ECT2L: variants seen among roughly 807,000 people sequenced by gnomAD.
ECT2L encodes epithelial cell-transforming sequence 2 oncogene-like.
ECT2L carries 126 observed loss-of-function variants against 122.8 expected under a neutral mutation model. The ratio of observed to expected loss-of-function variants is 1.03; its 90% confidence interval spans 0.89 to 1.19. The LOEUF (loss-of-function observed/expected upper bound fraction) is 1.19. ECT2L is among the 50% of genes most tolerant of loss of function. ECT2L has a pLI of 0.00. For synonymous variants in ECT2L, 385 were observed against 381.8 expected, an observed-to-expected ratio of 1.01 and a Z score of -0.10; for missense variants, 1,012 against 1,064.1, an observed-to-expected ratio of 0.95 and a Z score of 0.68.
At chr6:138,893,165 TTTTTTTTTG>T (rs1488555365) in intron 20 of ECT2L, among the ~76,000 whole-genome samples, 1 of 142,878 alleles carries the variant, frequency 7.0e-6, no homozygotes, top group East Asian at 2.1e-4. Context: ...TGCTTCTCAG[TTTTTTTTTG>T]TTTTTTTTTT....
rs139277007 is a variant in ECT2L, at chr6:138,863,863, C to T, written c.1292-1133C>T. Among the ~76,000 whole-genome samples the T allele has an allele frequency of 6.4e-3, 969 of 151,536 alleles. 7 individuals carry two copies. The highest frequency in any genetic ancestry group is 0.014 in the Middle Eastern group (4 of 292). On this transcript the variant is annotated intron_variant, in intron 11 of 21. Coordinates refer to ENST00000541398, the MANE Select transcript of ECT2L (RefSeq NM_001077706.3). ...TCTCCTGACCTTGTGATCCGCCCGC[C>T]TCAGCCTCCCAGTGTTGGGATTACA...
At chr6:138,895,792 T>A (rs1366049559) in intron 20 of ECT2L, among the ~76,000 whole-genome samples, 2 of 152,084 alleles carry the variant, frequency 1.3e-5, no homozygotes, top group African/African-American at 2.4e-5. Flanking sequence ...AGGCTCATCT[T>A]GAACTCCTGG....
In ECT2L at chr6:138,867,177, T is replaced by C. The variant is rs181193818; in HGVS notation, c.1475-926T>C. 2.0e-5 allele frequency among the ~76,000 whole-genome samples: 3 copies of C among 152,274 alleles called. No individual in the cohort carries two copies. In the East Asian group the frequency reaches 5.8e-4, roughly 29 times the overall value. ...CCTGGTAGGATCGAGAGTCTTACAT[T>C]TAAATTTATTGAGCTCCTTTTCACA... On this transcript the variant is annotated intron_variant, in intron 12 of 21. Coordinates refer to ENST00000541398, the MANE Select transcript of ECT2L (RefSeq NM_001077706.3).
At chr6:138,880,853 C>T in intron 14 of ECT2L, 104 bp from the exon 15 acceptor site, 1 of 962,098 alleles carries the variant, frequency 1.0e-6, no homozygotes. Context: ...TCCCCTTCAA[C>T]CTGAACAGCA....
chr6:138,846,531 C>T lies in ECT2L; in HGVS notation c.765-8C>T, dbSNP rs1019246089. On this transcript the variant is annotated splice_polypyrimidine_tract_variant and splice_region_variant and intron_variant, in intron 7 of 21. Transcript: ENST00000541398. ...TGAAAACTTCTCATATTTCCTTTTA[C>T]TCCATAGAAGCAATATTTCTGGAAG... is the stretch of plus-strand genomic sequence containing the variant. 4 of 1,571,552 alleles carry T rather than the reference C, an allele frequency of 2.5e-6. No homozygotes were observed. The highest frequency in any genetic ancestry group is 3.4e-6 in the Non-Finnish European group (4 of 1,163,922).
chr6:138,888,835 CTG>C (rs1273002605), intron 19 of ECT2L, 106 bp from the exon 20 acceptor site: 5 of 392,302 alleles, frequency 1.3e-5, no homozygotes, highest in African/African-American at 2.1e-5. Context: ...CATACTTGAA[CTG>C]TGTTTTAGTT....
chr6:138,801,719 C>T (rs1278386111), intron 1 of ECT2L, among the ~76,000 whole-genome samples: 1 of 152,054 alleles, frequency 6.6e-6, no homozygotes, highest in African/African-American at 2.4e-5. Context: ...CATGCCACTG[C>T]ACTCCAGTCT....
rs183542236 is a variant in ECT2L, at chr6:138,841,907, C to T, written c.343-1072C>T. Among the ~76,000 whole-genome samples, 150 of 152,248 alleles carry T rather than the reference C, an allele frequency of 9.9e-4. 1 individual carries two copies. The highest frequency in any genetic ancestry group is 2.4e-3 in the Admixed American group (37 of 15,294). On this transcript the variant is annotated intron_variant, in intron 5 of 21. Transcript: ENST00000541398. ...ATGGCTGAATATTGGCAATATCGTA[C>T]GCTTCAGTCAAAATTATTCTCAATG...
At chr6:138,844,373 T>A (rs1211549469) in intron 6 of ECT2L, 39 bp from the exon 7 acceptor site, 1 of 1,601,686 alleles carries the variant, frequency 6.2e-7, no homozygotes, top group Admixed American at 1.7e-5. Context: ...GGGAGAAGTA[T>A]GAAGTAATCA....
intron 10 of ECT2L, 26 bp from the exon 11 acceptor site, chr6:138,862,601 T>C (rs1240864584): frequency 6.2e-7 from 1 of 1,602,554 alleles, no homozygotes; most frequent in Non-Finnish European, 8.6e-7. Context: ...ATGAGGAAAC[T>C]AACGAAAGTG....
chr6:138,799,117 G>T (rs11753707), intron 1 of ECT2L, among the ~76,000 whole-genome samples: 7,006 of 152,242 alleles, frequency 0.046, 204 homozygotes, highest in African/African-American at 0.063. Context: ...TTAAACTCCT[G>T]TAAATTTAAT....
chr6:138,891,394 G>A (rs1296818726), intron 20 of ECT2L, among the ~76,000 whole-genome samples: 1 of 152,166 alleles, frequency 6.6e-6, no homozygotes, highest in Non-Finnish European at 1.5e-5. Flanking sequence ...CTGAGAGTAT[G>A]TTATCTTTTA....
In ECT2L at chr6:138,904,046, A is replaced by C. The variant is rs530980482; in HGVS notation, c.*1419A>C. On this transcript the variant is annotated 3_prime_UTR_variant, in exon 22 of 22. Transcript: ENST00000541398. ...TATTATGCTGTTTTATTGGTGTAAA[A>C]CCACACTTCTGATTCTGCCAAGATA... The C allele has an allele frequency of 6.6e-6, 1 of 152,216 alleles. No individual in the cohort carries two copies. The highest frequency in any genetic ancestry group is 6.5e-5 in the Admixed American group (1 of 15,280). The allele number at this position is 152,216 out of a possible 1,614,324, so 9.4% of individuals were successfully genotyped here.
chr6:138,807,201 T>C (rs1775742181), intron 1 of ECT2L, among the ~76,000 whole-genome samples: 1 of 152,040 alleles, frequency 6.6e-6, no homozygotes, highest in Non-Finnish European at 1.5e-5. Context: ...CTCAAACTCC[T>C]GAGCTCAAGC....
intron 20 of ECT2L, among the ~76,000 whole-genome samples, chr6:138,894,704 T>G (rs556377929): frequency 6.6e-6 from 1 of 152,180 alleles, no homozygotes; most frequent in Non-Finnish European, 1.5e-5. Flanking sequence ...ATCAATAGCT[T>G]GTGCTATTTT....
intron 13 of ECT2L, among the ~76,000 whole-genome samples, chr6:138,873,473 T>C (rs1778322768): frequency 1.3e-5 from 2 of 152,124 alleles, no homozygotes. Flanking sequence ...GAGGGGAAAA[T>C]GAAAGCTTCT....
chr6:138,900,905 G>T lies in ECT2L; in HGVS notation c.2415-43G>T, dbSNP rs1306345410. 8 of 1,574,576 alleles carry T rather than the reference G, an allele frequency of 5.1e-6. No homozygotes were observed. The African/African-American group carries it at 5.4e-5, about 11-fold the overall frequency. On this transcript the variant is annotated intron_variant, in intron 20 of 21. Transcript: ENST00000541398. The stretch of plus-strand genomic sequence containing the variant: ...GATGCTTAACTATGTAACAAAGCAT[G>T]TATGTTATGTATTAAAACTGTACCT...
rs567442727 is a variant in ECT2L, at chr6:138,877,360, C to G, written c.1665+802C>G. ...TAGGAACACCCAGGAGGAGCATGTT[C>G]CATAGAGCAGTGGATATGAGGGTAT... On this transcript the variant is annotated intron_variant, in intron 14 of 21. Coordinates refer to ENST00000541398, the MANE Select transcript of ECT2L (RefSeq NM_001077706.3). Among the ~76,000 whole-genome samples the G allele has an allele frequency of 2.0e-5, 3 of 152,180 alleles. No individual in the cohort carries two copies. The East Asian group carries it at 5.8e-4, about 29-fold the overall frequency.
intron 20 of ECT2L, among the ~76,000 whole-genome samples, chr6:138,892,411 T>TC (rs1414617783): frequency 6.6e-6 from 1 of 152,200 alleles, no homozygotes; most frequent in Non-Finnish European, 1.5e-5. Context: ...TCTGCTCTGA[T>TC]AATTCCAAAA....
Sources: gnomAD v4.1 joint callset for allele counts (sites outside exome capture counted in the v4.1 genomes callset) on GRCh38, gnomAD v4.1.1 for gene constraint, MANE v1.5 for transcripts, NCBI Gene and HGNC (gene_info 2026-07-23, HGNC 2026-07-21) for gene names.